The following DCP1A variants were observed in gnomAD, a reference collection of about 807,000 sequenced individuals.
DCP1A encodes the protein decapping mRNA 1A.
DCP1A carries 20 observed loss-of-function variants against 58.0 expected under a neutral mutation model. That is an observed-to-expected ratio of 0.34 (90% confidence interval 0.24 to 0.50). The LOEUF (loss-of-function observed/expected upper bound fraction) is 0.50, where lower values mean the gene tolerates loss of function less well. Ranked by LOEUF, DCP1A falls within the 20% of genes least tolerant of loss-of-function variation. The pLI is 0.98. For synonymous variants in DCP1A, 285 were observed against 275.1 expected (o/e 1.04, Z -0.36); for missense variants, 613 against 712.2 (o/e 0.86, Z 1.59).
At chr3:53,314,774 C>T (rs544420807) in intron 4 of DCP1A, among the ~76,000 whole-genome samples, 7 of 146,230 alleles carry the variant, frequency 4.8e-5, no homozygotes, top group Non-Finnish European at 1.0e-4. Context: ...CGGGTTCAAG[C>T]GATTCTCGTG....
chr3:53,292,225 T>A lies in DCP1A; in HGVS notation c.1227A>T (p.Thr409=). The A allele has an allele frequency of 6.2e-7, 1 of 1,614,006 alleles. No individual in the cohort carries two copies. Among genetic ancestry groups the A allele is most frequent in the Non-Finnish European group, 8.5e-7 (1 of 1,179,904 alleles). The part of the protein sequence containing the change: ...RLTPQHDQIQ[T]QPLGKGAMVA... ...CCATTGCACCTTTCCCAAGTGGTTG[T>A]GTCTGTATTTGGTCATGCTGTGGGG... The change falls in exon 7 of 10, where the codon ACA becomes ACT. Residue 409 remains threonine (T), a synonymous_variant. Transcript: ENST00000610213.
At chr3:53,331,145 C>T (rs1382802049) in intron 3 of DCP1A, among the ~76,000 whole-genome samples, 1 of 152,202 alleles carries the variant, frequency 6.6e-6, no homozygotes, top group Non-Finnish European at 1.5e-5. Flanking sequence ...GCATGAGTCA[C>T]TGCGCCTGGC....
chr3:53,314,724 T>C (rs1553689038), intron 4 of DCP1A, among the ~76,000 whole-genome samples: 1 of 141,472 alleles, frequency 7.1e-6, no homozygotes, highest in Admixed American at 7.7e-5. Flanking sequence ...CGGGCTAGAG[T>C]GCAGTGGTGC....
intron 3 of DCP1A, among the ~76,000 whole-genome samples, chr3:53,337,444 T>A (rs2089136034): frequency 6.6e-6 from 1 of 152,252 alleles, no homozygotes; most frequent in African/African-American, 2.4e-5. Flanking sequence ...CAGTCTATGA[T>A]ATTTTGTATT....
chr3:53,335,594 A>C lies in DCP1A; in HGVS notation c.304+6550T>G, dbSNP rs77408598. Among the ~76,000 whole-genome samples, 2,031 of 152,290 alleles carry C rather than the reference A, an allele frequency of 0.013. 118 individuals are homozygous for C. The South Asian group carries it at 0.14, about 11-fold the overall frequency. On this transcript the variant is annotated intron_variant, in intron 3 of 9. Coordinates refer to ENST00000610213, the MANE Select transcript of DCP1A (RefSeq NM_018403.7). ...TCATTCTGAAATTCTTATCCATCAA[A>C]TGTTAGAGTTTATAATTCTAATCAC...
intron 2 of DCP1A, among the ~76,000 whole-genome samples, chr3:53,342,859 A>ATATG (rs1575625383): frequency 6.6e-6 from 1 of 152,158 alleles, no homozygotes; most frequent in South Asian, 2.1e-4. Flanking sequence ...TACTTTTTTC[A>ATATG]TACATATATC....
rs1305288347 is a variant in DCP1A at position 53,285,614 on chromosome 3, AT to A, written c.*1965del. ...CCTAGCATTAAAGGTGAAAATTAGT[AT>A]GATCACAGACTCTCTTTAGGATATT... On this transcript the variant is annotated 3_prime_UTR_variant, in exon 10 of 10. Coordinates refer to ENST00000610213, the MANE Select transcript of DCP1A (RefSeq NM_018403.7). 3 of 152,192 alleles carry A rather than the reference AT, an allele frequency of 2.0e-5. No individual in the cohort carries two copies. The highest frequency in any genetic ancestry group is 2.9e-5 in the Non-Finnish European group (2 of 68,040). 9.4% of individuals were successfully genotyped at this position (152,192 alleles called of 1,614,324 possible). A position where few individuals can be genotyped will look rare whatever the true frequency, so the allele number is the denominator to read the frequency against.
intron 3 of DCP1A, among the ~76,000 whole-genome samples, chr3:53,334,383 T>C (rs1188075227): frequency 6.6e-6 from 1 of 152,246 alleles, no homozygotes; most frequent in Non-Finnish European, 1.5e-5. Context: ...TTAACATTTG[T>C]TCTAAATTGA....
intron 7 of DCP1A, among the ~76,000 whole-genome samples, chr3:53,291,188 T>C (rs1398021781): frequency 5.3e-5 from 8 of 152,214 alleles, no homozygotes; most frequent in African/African-American, 1.9e-4. Context: ...CAGGAATATA[T>C]ATAATTTTTA....
At chr3:53,310,161 A>C (rs1426130348) in intron 5 of DCP1A, among the ~76,000 whole-genome samples, 1 of 152,280 alleles carries the variant, frequency 6.6e-6, no homozygotes, top group Non-Finnish European at 1.5e-5. Context: ...GATTTAACCA[A>C]ATCCCAAAGG....
intron 4 of DCP1A, among the ~76,000 whole-genome samples, chr3:53,317,278 G>A (rs370581155): frequency 2.0e-5 from 3 of 152,096 alleles, no homozygotes; most frequent in Non-Finnish European, 2.9e-5. Flanking sequence ...TGATTCTCTC[G>A]CCTCAGCCTC....
intron 4 of DCP1A, 82 bp downstream of exon 4, chr3:53,319,325 T>TCA (rs1553689620): frequency 1.1e-6 from 1 of 928,090 alleles, no homozygotes; most frequent in East Asian, 2.7e-5. Flanking sequence ...GTTGGCAGAC[T>TCA]TTAGTAACAA....
At position 53,287,342 on chromosome 3, in the gene DCP1A, C is replaced by CTT. The variant is rs35716152; in HGVS notation, c.*236_*237dup. 305 of 166,760 alleles carry CTT rather than the reference C, an allele frequency of 1.8e-3. 19 individuals are homozygous for CTT. Among genetic ancestry groups the CTT allele is most frequent in the African/African-American group, 0.011 (247 of 22,920 alleles). The allele number at this position is 166,760 out of a possible 1,614,324, so 10.3% of individuals were successfully genotyped here. ...CATAACTTAACACAATGATCGCTCT[C>CTT]TTTTTTTTTTTTTTTTTTTTTTTTT... On this transcript the variant is annotated 3_prime_UTR_variant, in exon 10 of 10. Coordinates refer to ENST00000610213, the MANE Select transcript of DCP1A (RefSeq NM_018403.7).
intron 3 of DCP1A, among the ~76,000 whole-genome samples, chr3:53,340,993 T>C (rs781912964): frequency 3.3e-5 from 5 of 152,122 alleles, no homozygotes; most frequent in Non-Finnish European, 7.4e-5. Flanking sequence ...AACTGTATCG[T>C]TAACATTAAA....
Position 53,287,643 on chromosome 3 carries a change from G to C in DCP1A, c.1686C>G (p.Leu562=). The C allele has an allele frequency of 1.2e-6, 2 of 1,610,786 alleles. No homozygotes were observed. The highest frequency in any genetic ancestry group is 1.7e-6 in the Non-Finnish European group (2 of 1,177,044). The change falls in exon 10 of 10, where the codon CTC becomes CTG. Residue 562 remains leucine (L), a synonymous_variant. Coordinates refer to ENST00000610213, the MANE Select transcript of DCP1A (RefSeq NM_018403.7). ...IHLIKNDSSF[L]STLHEVYLQV... The stretch of plus-strand genomic sequence containing the variant: ...GCAAGTAGACTTCATGAAGTGTACT[G>C]AGGAAGCTGGAATCATTCTAGAAGA...
chr3:53,340,201 A>G (rs1170066441), intron 3 of DCP1A, among the ~76,000 whole-genome samples: 1 of 152,190 alleles, frequency 6.6e-6, no homozygotes, highest in Non-Finnish European at 1.5e-5. Flanking sequence ...GTGGGATTGC[A>G]GGTGTTGAGC....
At chr3:53,309,743 C>A (rs1707588061) in intron 5 of DCP1A, among the ~76,000 whole-genome samples, 1 of 152,170 alleles carries the variant, frequency 6.6e-6, no homozygotes, top group Non-Finnish European at 1.5e-5. Context: ...CCAGCCTGGG[C>A]AACAGAGAGA....
intron 3 of DCP1A, among the ~76,000 whole-genome samples, chr3:53,323,707 C>CAAA (rs1423750527): frequency 1.3e-5 from 2 of 151,724 alleles, no homozygotes; most frequent in Non-Finnish European, 2.9e-5. Context: ...ACTAAAAATA[C>CAAA]AAAAATTAGC....
chr3:53,289,748 T>C (rs1553685705), intron 8 of DCP1A, among the ~76,000 whole-genome samples: 1 of 152,246 alleles, frequency 6.6e-6, no homozygotes, highest in African/African-American at 2.4e-5. Context: ...TAATTCCAGC[T>C]AATTATCTGA....
Sources: allele counts gnomAD v4.1 joint callset (sites outside exome capture counted in the v4.1 genomes callset), GRCh38; gene constraint gnomAD v4.1.1; transcripts MANE v1.5; gene names NCBI Gene and HGNC (gene_info 2026-07-23, HGNC 2026-07-21).